Variants in PIK3CA observed in about 807,000 individuals in gnomAD.
PIK3CA encodes phosphatidylinositol 4,5-bisphosphate 3-kinase catalytic subunit alpha isoform.
Under a neutral mutation model 138.2 loss-of-function variants are expected in PIK3CA, and 27 were observed. The ratio of observed to expected loss-of-function variants is 0.20; its 90% CI spans 0.14 to 0.27. PIK3CA has a LOEUF of 0.27. PIK3CA is among the 10% of genes least tolerant of loss of function. The pLI is 1.00. For synonymous variants in PIK3CA, 358 were observed against 413.2 expected (o/e 0.87, Z 1.62); for missense variants, 544 against 1,277.4 (o/e 0.43, Z 8.75).
In PIK3CA at chr3:179,230,747, C is replaced by T. The variant is rs1004233316; in HGVS notation, c.2936+371C>T. 6.6e-6 allele frequency among the ~76,000 whole-genome samples: 1 copy of T among 152,072 alleles called. No individual in the cohort carries two copies. The highest frequency in any genetic ancestry group is 2.4e-5 in the African/African-American group (1 of 41,414). Reference sequence around the variant, plus strand: ...CCAACCTGGGCAACAGAGTGAGACCCTGTATCAAAATAAATAAAATGAAAT... The same window carrying T: ...CCAACCTGGGCAACAGAGTGAGACCTTGTATCAAAATAAATAAAATGAAAT... On this transcript the variant is annotated intron_variant, in intron 20 of 20. Coordinates refer to ENST00000263967, the MANE Select transcript of PIK3CA (RefSeq NM_006218.4). This position sits in a 1 kb window ranked among gnomAD's most constrained non-coding sequence, Gnocchi z 5.4.
rs772724438 is a variant in PIK3CA, at chr3:179,218,299, C to T, written c.1629C>T (p.Ile543=). ...CTACACGAGATCCTCTCTCTGAAATCACTGAGCAGGAGAAAGATTTTCTAT... is the reference window on the plus strand; with the variant it reads ...CTACACGAGATCCTCTCTCTGAAATTACTGAGCAGGAGAAAGATTTTCTAT... The part of the protein sequence containing the change: ...AISTRDPLSE[I]TEQEKDFLWS... Residue 543 remains isoleucine, a synonymous_variant, in exon 10 of 21, where the codon ATC becomes ATT. Transcript: ENST00000263967. The T allele has an allele frequency of 2.5e-6, 4 of 1,611,404 alleles. No individual in the cohort carries two copies. The South Asian group carries it at 3.3e-5, about 13-fold the overall frequency.
At chr3:179,189,694 A>G (rs530244189) in intron 1 of PIK3CA, among the ~76,000 whole-genome samples, 4 of 152,346 alleles carry the variant, frequency 2.6e-5, no homozygotes, top group African/African-American at 7.2e-5. Context: ...ATATATTTTT[A>G]TAACATGTTT....
rs1411419216 is a variant in PIK3CA at position 179,234,439 on chromosome 3, C to T, written c.*75C>T. On this transcript the variant is annotated 3_prime_UTR_variant, in exon 21 of 21. Transcript: ENST00000263967. This position sits in a 1 kb window ranked among gnomAD's most constrained non-coding sequence, Gnocchi z 5.1. ...TTAATAACTCTCAGCAGGCAAAGAC[C>T]GATTGCATAGGAATTGCACAATCCA... 5.6e-6 allele frequency: 7 copies of T among 1,252,660 alleles called. No homozygotes were observed. The highest frequency in any genetic ancestry group is 2.4e-5 in the East Asian group (1 of 42,418). The allele number at this position is 1,252,660 out of a possible 1,614,324, so 77.6% of individuals were successfully genotyped here.
At chr3:179,207,677 G>A (rs749008832) in intron 6 of PIK3CA, among the ~76,000 whole-genome samples, 1 of 150,878 alleles carries the variant, frequency 6.6e-6, no homozygotes, top group Non-Finnish European at 1.5e-5. Context: ...CCACCACCAC[G>A]CCCAGCTAAT....
chr3:179,180,191 GGT>G (rs1332095329), intron 1 of PIK3CA, among the ~76,000 whole-genome samples: 1 of 152,088 alleles, frequency 6.6e-6, no homozygotes, highest in East Asian at 1.9e-4. Flanking sequence ...TAATGAAGTG[GGT>G]GGGGAGAAAT....
chr3:179,202,314 C>T (rs114520664), intron 4 of PIK3CA, among the ~76,000 whole-genome samples: 3,405 of 152,268 alleles, frequency 0.022, 55 homozygotes, highest in African/African-American at 0.035. Flanking sequence ...AAACAATCCT[C>T]CTGCCTTGGC....
chr3:179,170,076 G>C (rs9842550), intron 1 of PIK3CA, among the ~76,000 whole-genome samples: 1 of 139,210 alleles, frequency 7.2e-6, no homozygotes, highest in African/African-American at 3.0e-5. Flanking sequence ...ACGCGCGCGC[G>C]CACACACACA....
intron 6 of PIK3CA, among the ~76,000 whole-genome samples, chr3:179,206,570 A>G (rs544808360): frequency 6.6e-6 from 1 of 152,306 alleles, no homozygotes; most frequent in East Asian, 1.9e-4. Flanking sequence ...ATAATACTGG[A>G]TAGAATTATC....
In PIK3CA at chr3:179,188,782, G is replaced by A. The variant is rs147595540; in HGVS notation, c.-76-9968G>A. ...AATGGTATATTATGAAATATATATC[G>A]TTTTCCACATTAAGTACATTTGCCT... is the stretch of plus-strand genomic sequence containing the variant. On this transcript the variant is annotated intron_variant, in intron 1 of 20. Transcript: ENST00000263967. 6.8e-3 allele frequency among the ~76,000 whole-genome samples: 1,036 copies of A among 152,212 alleles called. 63 individuals are homozygous for A. The South Asian group carries it at 0.14, about 20-fold the overall frequency.
chr3:179,182,856 A>G (rs1353558919), intron 1 of PIK3CA, among the ~76,000 whole-genome samples: 1 of 152,234 alleles, frequency 6.6e-6, no homozygotes, highest in East Asian at 1.9e-4. Flanking sequence ...AAGGGAAAAT[A>G]AAGACCACTT....
At chr3:179,181,461 A>AC (rs1723844745) in intron 1 of PIK3CA, among the ~76,000 whole-genome samples, 1 of 152,126 alleles carries the variant, frequency 6.6e-6, no homozygotes, top group Admixed American at 6.5e-5. Flanking sequence ...AGTATTATAA[A>AC]CCCAGTTGTA....
chr3:179,163,021 AAG>A (rs1455397446), intron 1 of PIK3CA, among the ~76,000 whole-genome samples: 4 of 152,192 alleles, frequency 2.6e-5, no homozygotes, highest in African/African-American at 9.6e-5. Context: ...GAGTAAATGA[AAG>A]AGTTGAATAC....
At chr3:179,213,635 T>C (rs1466349385) in intron 9 of PIK3CA, among the ~76,000 whole-genome samples, 1 of 152,250 alleles carries the variant, frequency 6.6e-6, no homozygotes, top group East Asian at 1.9e-4. Flanking sequence ...GATAGCATTT[T>C]GCCCACAATA....
At chr3:179,196,592 T>A (rs574724627) in intron 1 of PIK3CA, among the ~76,000 whole-genome samples, 12 of 152,370 alleles carry the variant, frequency 7.9e-5, no homozygotes, top group African/African-American at 2.9e-4. Flanking sequence ...CTTCATTGTT[T>A]CCTGTTAATT....
chr3:179,200,558 C>G (rs556795500), intron 3 of PIK3CA, among the ~76,000 whole-genome samples: 1 of 152,202 alleles, frequency 6.6e-6, no homozygotes, highest in Admixed American at 6.5e-5. Context: ...CATCTTATTA[C>G]TATTCGTATT....
intron 3 of PIK3CA, 144 bp from the exon 4 acceptor site, chr3:179,201,146 A>G (rs1305425376): frequency 3.0e-6 from 2 of 674,306 alleles, no homozygotes; most frequent in Non-Finnish European, 5.1e-6. Context: ...TTCTGTTTCT[A>G]CCTGATATTT....
chr3:179,216,482 A>G (rs1156480507), intron 9 of PIK3CA, among the ~76,000 whole-genome samples: 1 of 152,188 alleles, frequency 6.6e-6, no homozygotes, highest in Non-Finnish European at 1.5e-5. Flanking sequence ...GTAGCTGTGT[A>G]TACAAATGTG....
intron 9 of PIK3CA, among the ~76,000 whole-genome samples, chr3:179,217,479 C>T (rs960387148): frequency 1.8e-4 from 28 of 152,140 alleles, no homozygotes; most frequent in East Asian, 9.6e-4. Flanking sequence ...CATATAAACA[C>T]ATACAAACCA....
In PIK3CA at chr3:179,226,073, A is replaced by C. The variant is rs368397924; in HGVS notation, c.2495+33A>C. Reference sequence around the variant, plus strand: ...ACCAGTAAGGCAACCTGTATGTTGAAAGTTATCCTGAAAAAGTGAACTATT... The same window carrying C: ...ACCAGTAAGGCAACCTGTATGTTGACAGTTATCCTGAAAAAGTGAACTATT... On this transcript the variant is annotated intron_variant, in intron 17 of 20. Coordinates refer to ENST00000263967, the MANE Select transcript of PIK3CA (RefSeq NM_006218.4). The C allele has an allele frequency of 3.4e-6, 4 of 1,190,428 alleles. No individual in the cohort carries two copies. The African/African-American group carries it at 4.5e-5, about 13-fold the overall frequency. The allele number at this position is 1,190,428 out of a possible 1,614,324, so 73.7% of individuals were successfully genotyped here. A position where few individuals can be genotyped will look rare whatever the true frequency, so the allele number is the denominator to read the frequency against.
Sources: gnomAD v4.1 joint callset for allele counts (sites outside exome capture counted in the v4.1 genomes callset) on GRCh38, gnomAD v4.1.1 for gene constraint, Gnocchi (gnomAD v3.1) non-coding constraint, MANE v1.5 for transcripts, NCBI Gene and HGNC (gene_info 2026-07-23, HGNC 2026-07-21) for gene names.